The following SLITRK3 variants were observed in gnomAD, a reference collection of about 807,000 sequenced individuals.
SLITRK3 encodes SLIT and NTRK-like protein 3.
A neutral mutation model predicts 63.6 loss-of-function variants in SLITRK3; 16 were observed. The ratio of observed to expected loss-of-function variants is 0.25; its 90% CI spans 0.17 to 0.38. The LOEUF is 0.38. SLITRK3 is among the 10% of genes least tolerant of loss of function. The pLI is 1.00. For synonymous variants in SLITRK3, 547 were observed against 451.6 expected, an observed-to-expected ratio of 1.21 and a Z score of -2.68; for missense variants, 1,117 against 1,181.4, an observed-to-expected ratio of 0.95 and a Z score of 0.80.
chr3:165,196,253 G>A lies in SLITRK3; in HGVS notation c.-695C>T, dbSNP rs1451095939. 2.0e-5 allele frequency among the ~76,000 whole-genome samples: 3 copies of A among 146,578 alleles called. No homozygotes were observed. The highest frequency in any genetic ancestry group is 2.4e-4 in the South Asian group (1 of 4,238). ...CATTGGTCAGACGGCGAAGGTGGGGGGAAAGAAGGAGAGGGGGAGAGAAGA... is the reference window on the plus strand; with the variant it reads ...CATTGGTCAGACGGCGAAGGTGGGGAGAAAGAAGGAGAGGGGGAGAGAAGA... On this transcript the variant is annotated 5_prime_UTR_variant, in exon 1 of 2. Transcript: ENST00000475390.
rs200907039 is a variant in SLITRK3 at position 165,188,153 on chromosome 3, G to T, written c.2678C>A (p.Ala893Asp). 6 of 1,613,494 alleles carry T rather than the reference G, an allele frequency of 3.7e-6. No individual in the cohort carries two copies. The African/African-American group carries it at 5.3e-5, about 14-fold the overall frequency. ...GTCCACAAATCCCACTGTGCAGGGG[G>T]CAGGCTGTGGCCTCTCTCGATCTAG... is the stretch of plus-strand genomic sequence containing the variant. ...MLLDRERPQP[A>D]PCTVGFVDCL... Residue 893 changes from alanine (A) to aspartate (D), a missense_variant, in exon 2 of 2, where the codon GCC (alanine) becomes GAC (aspartate). Ala to Asp is a moderately radical substitution (Grantham distance 126). This residue lies in a region of SLITRK3 where 499 missense variants were observed against 463.6 expected (regional missense o/e 1.08). Coordinates refer to ENST00000475390, the MANE Select transcript of SLITRK3 (RefSeq NM_001318810.2).
chr3:165,193,212 C>A (rs527680773), intron 1 of SLITRK3, among the ~76,000 whole-genome samples: 33 of 136,058 alleles, frequency 2.4e-4, no homozygotes, highest in South Asian at 4.8e-4. Flanking sequence ...GGGAGGAGAC[C>A]AACCTATGGG....
At position 165,189,383 on chromosome 3, in the gene SLITRK3, T is replaced by C; in HGVS notation, c.1448A>G (p.His483Arg). ...GACATTGAACTCAAAGTACAAGTAG[T>C]GCAAACTCTGTAGGCCTCGGAACAT... ...PGMFRGLQSLHYLYFEFNVIR... is the reference protein window; with the variant it reads ...PGMFRGLQSLRYLYFEFNVIR... Residue 483 changes from histidine (H) to arginine (R), a missense_variant, in exon 2 of 2, where the codon CAC (histidine) becomes CGC (arginine). Transcript: ENST00000475390. The surrounding 1 kb of genome is among the most constrained non-coding windows in gnomAD (Gnocchi z 4.0). The C allele has an allele frequency of 6.2e-7, 1 of 1,614,028 alleles. No homozygotes were observed. Among genetic ancestry groups the C allele is most frequent in the Non-Finnish European group, 8.5e-7 (1 of 1,180,028 alleles).
Position 165,188,376 on chromosome 3 carries a change from C to A in SLITRK3, c.2455G>T (p.Ala819Ser). ...AGCTGGGAGCTGGACACTGCTAGGGCCCACTCCTTCTCTTTTTCCAGCAAG... is the reference window on the plus strand; with the variant it reads ...AGCTGGGAGCTGGACACTGCTAGGGACCACTCCTTCTCTTTTTCCAGCAAG... ...RTLLEKEKEW[A>S]LAVSSSQLNT... is the part of the protein sequence containing the mutation. The change falls in exon 2 of 2, where the codon GCC becomes TCC. Residue 819 changes from alanine to serine, a missense_variant. Transcript: ENST00000475390. The A allele has an allele frequency of 5.0e-6, 8 of 1,613,944 alleles. No homozygotes were observed. The highest frequency in any genetic ancestry group is 1.1e-5 in the South Asian group (1 of 91,058).
rs1021284925 is a variant in SLITRK3 at position 165,190,663 on chromosome 3, G to T, written c.168C>A (p.Leu56=). The change falls in exon 2 of 2, where the codon CTC becomes CTA. Residue 56 remains leucine, a synonymous_variant. Coordinates refer to ENST00000475390, the MANE Select transcript of SLITRK3 (RefSeq NM_001318810.2). ...CTTTACTGTCACAATGTATATGAAA[G>T]AGGCTTTCTTTAACTTCACAGTAGC... The part of the protein sequence containing the change: ...DPCYCEVKES[L]FHIHCDSKGF... 6 of 1,613,962 alleles carry T rather than the reference G, an allele frequency of 3.7e-6. No individual in the cohort carries two copies. The highest frequency in any genetic ancestry group is 5.1e-6 in the Non-Finnish European group (6 of 1,180,000).
chr3:165,194,077 A>G (rs1261950737), intron 1 of SLITRK3, among the ~76,000 whole-genome samples: 1 of 152,084 alleles, frequency 6.6e-6, no homozygotes, highest in Non-Finnish European at 1.5e-5. Flanking sequence ...AGTCTAATCA[A>G]CAGGACCCGT....
At position 165,189,693 on chromosome 3, in the gene SLITRK3, T is replaced by C; in HGVS notation, c.1138A>G (p.Asn380Asp). 6.2e-6 allele frequency: 10 copies of C among 1,614,168 alleles called. No homozygotes were observed. Among genetic ancestry groups the C allele is most frequent in the Non-Finnish European group, 8.5e-6 (10 of 1,180,026 alleles). ...AAGCCAAGGTCATTGATGTGCAAAT[T>C]ACAGGTACACCCAGTGGGGCATATA... ...PIICPTGCTC[N>D]LHINDLGLTV... is the part of the protein sequence containing the mutation. Residue 380 changes from asparagine to aspartate, a missense_variant, in exon 2 of 2, where the codon AAT (asparagine) becomes GAT (aspartate). Asn to Asp is a conservative substitution (Grantham distance 23, BLOSUM62 1). This residue lies in a region of SLITRK3 where 452 missense variants were observed against 495.3 expected (regional missense o/e 0.91). Coordinates refer to ENST00000475390, the MANE Select transcript of SLITRK3 (RefSeq NM_001318810.2). This position sits in a 1 kb window ranked among gnomAD's most constrained non-coding sequence, Gnocchi z 4.0.
Position 165,190,612 on chromosome 3 carries a change from G to C in SLITRK3, c.219C>G (p.Thr73=), listed in dbSNP as rs535544257. Residue 73 remains threonine, a synonymous_variant, in exon 2 of 2, where the codon ACC becomes ACG. Coordinates refer to ENST00000475390, the MANE Select transcript of SLITRK3 (RefSeq NM_001318810.2). ...GTTTAAAAGGTCTTGACCAGAACTC[G>C]GTAATCTGACTAATATTTGTAAATC... ...SKGFTNISQI[T]EFWSRPFKLY... is the part of the protein sequence containing the mutation. 5.4e-5 allele frequency: 87 copies of C among 1,613,796 alleles called. No homozygotes were observed. In the South Asian group the frequency reaches 7.9e-4, roughly 15 times the overall value.
At chr3:165,195,389 T>C (rs1279489318) in intron 1 of SLITRK3, among the ~76,000 whole-genome samples, 191 bp downstream of exon 1, 1 of 152,132 alleles carries the variant, frequency 6.6e-6, no homozygotes, top group Admixed American at 6.5e-5. Flanking sequence ...GGTATGTTAG[T>C]CTCCGGTACC....
Position 165,189,557 on chromosome 3 carries a change from C to T in SLITRK3, c.1274G>A (p.Arg425His), listed in dbSNP as rs540822976. 1.4e-5 allele frequency: 23 copies of T among 1,613,926 alleles called. No individual in the cohort carries two copies. Among genetic ancestry groups the T allele is most frequent in the Non-Finnish European group, 1.6e-5 (19 of 1,180,008 alleles). Residue 425 changes from arginine to histidine, a missense_variant, in exon 2 of 2, where the codon CGT (arginine) becomes CAT (histidine). Arg to His is a conservative substitution (Grantham distance 29). Transcript: ENST00000475390. This position sits in a 1 kb window ranked among gnomAD's most constrained non-coding sequence, Gnocchi z 4.0. ...GGAAGAAAAATTCCAAAAATCAGAA[C>T]GGTATATTTTCTGAATCAGATTGCT... The part of the protein sequence containing the change: ...LSSNLIQKIY[R>H]SDFWNFSSLD...
chr3:165,186,888 C>A lies in SLITRK3; in HGVS notation c.*1009G>T, dbSNP rs1019864990. 6.6e-6 allele frequency: 1 copy of A among 152,014 alleles called. No individual in the cohort carries two copies. The highest frequency in any genetic ancestry group is 1.5e-5 in the Non-Finnish European group (1 of 67,920). 9.4% of individuals were successfully genotyped at this position (152,014 alleles called of 1,614,324 possible). On this transcript the variant is annotated 3_prime_UTR_variant, in exon 2 of 2. Transcript: ENST00000475390. Reference sequence around the variant, plus strand: ...AGAGAGAAAACATTAAAAGTGCTTCCTACAAAGCTGTTAGTGATATATACC... The same window carrying A: ...AGAGAGAAAACATTAAAAGTGCTTCATACAAAGCTGTTAGTGATATATACC...
chr3:165,187,820 G>T lies in SLITRK3; in HGVS notation c.*77C>A, dbSNP rs1187674139. The T allele has an allele frequency of 2.4e-6, 3 of 1,241,180 alleles. No individual in the cohort carries two copies. The highest frequency in any genetic ancestry group is 3.0e-5 in the African/African-American group (2 of 65,986). 76.9% of individuals were successfully genotyped at this position (1,241,180 alleles called of 1,614,324 possible). On this transcript the variant is annotated 3_prime_UTR_variant, in exon 2 of 2. Coordinates refer to ENST00000475390, the MANE Select transcript of SLITRK3 (RefSeq NM_001318810.2). ...ATGGAGTTACTGGGACAAGTGTAAA[G>T]GGAGCAAGGGATATATTTCTTTTAT... is the stretch of plus-strand genomic sequence containing the variant.
rs771217490 is a variant in SLITRK3, at chr3:165,190,249, C to T, written c.582G>A (p.Lys194=). 3.1e-6 allele frequency: 5 copies of T among 1,614,110 alleles called. No homozygotes were observed. The highest frequency in any genetic ancestry group is 4.2e-6 in the Non-Finnish European group (5 of 1,180,024). ...GGTCCAAATGGGTTAAAGAGACAGCCTTAAATAAATTGGTTGGAAGCATGG... is the reference window on the plus strand; with the variant it reads ...GGTCCAAATGGGTTAAAGAGACAGCTTTAAATAAATTGGTTGGAAGCATGG... The part of the protein sequence containing the change: ...LIPMLPTNLF[K]AVSLTHLDLR... Residue 194 remains lysine (K), a synonymous_variant, in exon 2 of 2, where the codon AAG becomes AAA. Coordinates refer to ENST00000475390, the MANE Select transcript of SLITRK3 (RefSeq NM_001318810.2).
Position 165,187,914 on chromosome 3 carries a change from T to C in SLITRK3, c.2917A>G (p.Thr973Ala). The part of the protein sequence containing the change: ...KPDYLEVLEK[T>A]TYRF The stretch of plus-strand genomic sequence containing the variant: ...TCTCTCTGTTAGAACCTGTATGTTG[T>C]CTTCTCCAGGACTTCGAGGTAATCC... The change falls in exon 2 of 2, where the codon ACA becomes GCA. Residue 973 changes from threonine to alanine, a missense_variant. By Grantham distance (58) the Thr-to-Ala change is moderately conservative. Coordinates refer to ENST00000475390, the MANE Select transcript of SLITRK3 (RefSeq NM_001318810.2). 1 of 1,612,622 alleles carries C rather than the reference T, an allele frequency of 6.2e-7. No individual in the cohort carries two copies.
chr3:165,190,915 C>T (rs1718201209), intron 1 of SLITRK3, 64 bp from the exon 2 acceptor site: 1 of 1,187,668 alleles, frequency 8.4e-7, no homozygotes, highest in Non-Finnish European at 1.2e-6. Context: ...TAATTGACTC[C>T]TACATGTGGG....
In SLITRK3 at chr3:165,189,892, C is replaced by T. The variant is rs1718130735; in HGVS notation, c.939G>A (p.Met313Ile). The T allele has an allele frequency of 6.2e-7, 1 of 1,614,122 alleles. No individual in the cohort carries two copies. The highest frequency in any genetic ancestry group is 1.3e-5 in the African/African-American group (1 of 75,020). The change falls in exon 2 of 2, where the codon ATG becomes ATA. Residue 313 changes from methionine (M) to isoleucine (I), a missense_variant. By Grantham distance (10) the Met-to-Ile change is conservative. This residue lies in a region of SLITRK3 where 452 missense variants were observed against 495.3 expected (regional missense o/e 0.91). Transcript: ENST00000475390. The surrounding 1 kb of genome is among the most constrained non-coding windows in gnomAD (Gnocchi z 4.0). The stretch of plus-strand genomic sequence containing the variant: ...AAGCAGTAAAATGAACAGAGGATAG[C>T]ATTGAGGAAGGCTTAGTTGGCCATG... ...ENAWPTKPSS[M>I]LSSVHFTASS...
chr3:165,189,438 C>A lies in SLITRK3; in HGVS notation c.1393G>T (p.Gly465Cys). ...GGTGTCAGCTTCTCTATATCGTTGC[C>A]ATTAAGGAAGAGGCTCTTTAAGTTG... ...LPNLKSLFLN[G>C]NDIEKLTPGM... The change falls in exon 2 of 2, where the codon GGC becomes TGC. Residue 465 changes from glycine to cysteine, a missense_variant. Physicochemically the swap from Gly to Cys is radical, Grantham distance 159. Around this residue, in one of 4 missense-constraint regions of SLITRK3, gnomAD observed 158 missense variants for 197.2 expected, o/e 0.80. Coordinates refer to ENST00000475390, the MANE Select transcript of SLITRK3 (RefSeq NM_001318810.2). This position sits in a 1 kb window ranked among gnomAD's most constrained non-coding sequence, Gnocchi z 4.0. 6.2e-7 allele frequency: 1 copy of A among 1,613,292 alleles called. No homozygotes were observed. The highest frequency in any genetic ancestry group is 8.5e-7 in the Non-Finnish European group (1 of 1,180,026).
intron 1 of SLITRK3, among the ~76,000 whole-genome samples, chr3:165,193,891 G>A (rs530305622): frequency 1.3e-5 from 2 of 152,094 alleles, no homozygotes; most frequent in East Asian, 1.9e-4. Context: ...TAGTGGGAGT[G>A]GGGGTGGAGG....
At chr3:165,196,927 C>CTCT (rs56305843), upstream of SLITRK3, 12 of 27,136 alleles carry the variant, frequency 4.4e-4, no homozygotes, top group South Asian at 1.9e-3. Context: ...CTCTCTCTCT[C>CTCT]CTCTCTCTGT....
Sources: gnomAD v4.1 joint callset for allele counts (sites outside exome capture counted in the v4.1 genomes callset) on GRCh38, gnomAD v4.1.1 for gene constraint, gnomAD v4.1.1 regional missense constraint, Gnocchi (gnomAD v3.1) non-coding constraint, MANE v1.5 for transcripts, NCBI Gene and HGNC (gene_info 2026-07-23, HGNC 2026-07-21) for gene names.